CORO2A: variants seen among roughly 807,000 people sequenced by gnomAD.
CORO2A encodes the protein coronin 2A.
CORO2A carries 47 observed loss-of-function variants against 62.4 expected under a neutral mutation model. The observed-to-expected ratio is 0.75, with a 90% CI of 0.60 to 0.96. The LOEUF (loss-of-function observed/expected upper bound fraction) is 0.96. Among genes scored for constraint, CORO2A ranks in the 40% least tolerant of loss-of-function variants. The pLI, the probability that CORO2A is intolerant of heterozygous loss-of-function variation, is 0.00. For synonymous variants in CORO2A, 273 were observed against 268.9 expected (o/e 1.02, Z -0.15); for missense variants, 610 against 684.1 (o/e 0.89, Z 1.21).
intron 2 of CORO2A, among the ~76,000 whole-genome samples, chr9:98,145,681 C>T (rs1587999031): frequency 2.0e-5 from 3 of 152,148 alleles, no homozygotes; most frequent in Non-Finnish European, 2.9e-5. Context: ...GGACACACAT[C>T]GGCTTGAGAA....
chr9:98,142,410 T>A (rs896614404), intron 2 of CORO2A, among the ~76,000 whole-genome samples: 2 of 152,210 alleles, frequency 1.3e-5, no homozygotes, highest in Admixed American at 6.5e-5. Context: ...GCTCTGTGAG[T>A]CCCTGCCCTG....
At chr9:98,150,307 C>T (rs936104623) in intron 2 of CORO2A, among the ~76,000 whole-genome samples, 13 of 152,116 alleles carry the variant, frequency 8.5e-5, no homozygotes, top group South Asian at 2.1e-4. Flanking sequence ...GGGCTTACGA[C>T]GCCTTCACAG....
intron 1 of CORO2A, among the ~76,000 whole-genome samples, chr9:98,163,567 A>T (rs1827915550): frequency 1.3e-5 from 2 of 152,130 alleles, no homozygotes; most frequent in African/African-American, 4.8e-5. Context: ...CCCCCATTTG[A>T]TGATGGGAAA....
intron 2 of CORO2A, among the ~76,000 whole-genome samples, chr9:98,146,094 C>T (rs947209240): frequency 2.0e-5 from 3 of 152,196 alleles, no homozygotes; most frequent in Non-Finnish European, 4.4e-5. Context: ...ATTAGGCCCT[C>T]AGGCCCATGT....
At chr9:98,145,241 G>C (rs969064166) in intron 2 of CORO2A, among the ~76,000 whole-genome samples, 2 of 152,178 alleles carry the variant, frequency 1.3e-5, no homozygotes, top group Non-Finnish European at 2.9e-5. Flanking sequence ...CCTACTTTCA[G>C]ACCTTGTGAA....
chr9:98,146,088 G>C (rs991826640), intron 2 of CORO2A, among the ~76,000 whole-genome samples: 3 of 152,276 alleles, frequency 2.0e-5, no homozygotes, highest in Middle Eastern at 6.8e-3. Flanking sequence ...GTGTCCATTA[G>C]GCCCTCAGGC....
At position 98,124,646 on chromosome 9, in the gene CORO2A, G is replaced by T; in HGVS notation, c.*128C>A. The T allele has an allele frequency of 1.0e-6, 1 of 959,736 alleles. No homozygotes were observed. The highest frequency in any genetic ancestry group is 1.4e-6 in the Non-Finnish European group (1 of 700,686). The allele number at this position is 959,736 out of a possible 1,614,324, so 59.5% of individuals were successfully genotyped here. On this transcript the variant is annotated 3_prime_UTR_variant, in exon 12 of 12. Transcript: ENST00000375077. ...CCCACTGGAATCTCTTTCAGCGATG[G>T]AGAGTTTTGTTTTCTGGTAAAAAAT... is the stretch of plus-strand genomic sequence containing the variant.
chr9:98,131,115 G>T, intron 6 of CORO2A, 56 bp from the exon 7 acceptor site: 1 of 1,197,082 alleles, frequency 8.4e-7, no homozygotes, highest in Non-Finnish European at 1.2e-6. Context: ...GCCCTCAGTG[G>T]TGCTCCCGGA....
chr9:98,179,874 G>A (rs781206498), intron 1 of CORO2A, among the ~76,000 whole-genome samples: 5 of 151,974 alleles, frequency 3.3e-5, no homozygotes, highest in Admixed American at 3.3e-4. Context: ...GCGGTGGCAG[G>A]TGCCTGTAAT....
chr9:98,149,855 T>C (rs1827699053), intron 2 of CORO2A, among the ~76,000 whole-genome samples: 1 of 152,152 alleles, frequency 6.6e-6, no homozygotes, highest in Non-Finnish European at 1.5e-5. Flanking sequence ...CTATTTATTA[T>C]ATTTCAAAAA....
At chr9:98,173,428 G>C (rs1220350639) in intron 1 of CORO2A, among the ~76,000 whole-genome samples, 1 of 152,200 alleles carries the variant, frequency 6.6e-6, no homozygotes, top group Non-Finnish European at 1.5e-5. Flanking sequence ...GTTTTCTGAG[G>C]TTACACGATT....
At chr9:98,158,498 G>C (rs1238022704) in intron 1 of CORO2A, among the ~76,000 whole-genome samples, 1 of 152,106 alleles carries the variant, frequency 6.6e-6, no homozygotes, top group Non-Finnish European at 1.5e-5. Context: ...GAGCATCACT[G>C]TGTGTCTAGG....
chr9:98,170,026 CT>C (rs760519157), intron 1 of CORO2A, among the ~76,000 whole-genome samples: 7 of 152,192 alleles, frequency 4.6e-5, no homozygotes, highest in Non-Finnish European at 8.8e-5. Flanking sequence ...CCCTGGACCC[CT>C]ATTTGTCTCT....
chr9:98,138,444 G>A (rs1395495892), intron 2 of CORO2A, among the ~76,000 whole-genome samples: 1 of 150,968 alleles, frequency 6.6e-6, no homozygotes, highest in Admixed American at 6.6e-5. Flanking sequence ...GTTCACCAAT[G>A]TTCACAACAA....
At chr9:98,151,284 A>G (rs551173217) in intron 2 of CORO2A, among the ~76,000 whole-genome samples, 2 of 152,354 alleles carry the variant, frequency 1.3e-5, no homozygotes, top group South Asian at 2.1e-4. Flanking sequence ...AAAAAAGAGA[A>G]TGCTGTGGGA....
intron 2 of CORO2A, among the ~76,000 whole-genome samples, chr9:98,141,278 C>T (rs1289089765): frequency 6.6e-6 from 1 of 151,494 alleles, no homozygotes; most frequent in Non-Finnish European, 1.5e-5. Flanking sequence ...CAGGGCGGTA[C>T]CTGGAGCTAG....
rs1415793104 is a variant in CORO2A, at chr9:98,123,619, C to A, written c.*1155G>T. The A allele has an allele frequency of 1.3e-5, 2 of 151,960 alleles. No individual in the cohort carries two copies. Among genetic ancestry groups the A allele is most frequent in the Admixed American group, 1.3e-4 (2 of 15,238 alleles). The allele number at this position is 151,960 out of a possible 1,614,324, so 9.4% of individuals were successfully genotyped here. A position where few individuals can be genotyped will look rare whatever the true frequency, so the allele number is the denominator to read the frequency against. On this transcript the variant is annotated 3_prime_UTR_variant, in exon 12 of 12. Coordinates refer to ENST00000375077, the MANE Select transcript of CORO2A (RefSeq NM_052820.4). ...AAGCAATTCTCCTATCTCAGCCTCC[C>A]GAATAGCAGGGACTACAGACGCTCA...
At chr9:98,151,109 T>C (rs575217395) in intron 2 of CORO2A, among the ~76,000 whole-genome samples, 15 of 152,346 alleles carry the variant, frequency 9.8e-5, no homozygotes, top group Middle Eastern at 3.4e-3. Context: ...CCCTATTTAT[T>C]TGGATGAACA....
chr9:98,160,715 C>T (rs769579567), intron 1 of CORO2A, among the ~76,000 whole-genome samples: 1 of 152,160 alleles, frequency 6.6e-6, no homozygotes, highest in Non-Finnish European at 1.5e-5. Flanking sequence ...TGAGCAACTG[C>T]TGGGGGTGGC....
Sources: allele counts gnomAD v4.1 joint callset (sites outside exome capture counted in the v4.1 genomes callset), GRCh38; gene constraint gnomAD v4.1.1; transcripts MANE v1.5; gene names NCBI Gene and HGNC (gene_info 2026-07-23, HGNC 2026-07-21).